Variants in FAM193A observed in about 807,000 individuals in gnomAD.
FAM193A encodes the protein family with sequence similarity 193 member A, also known as protein FAM193A.
A neutral mutation model predicts 126.5 loss-of-function variants in FAM193A; 22 were observed. The observed-to-expected ratio is 0.17, with a 90% CI of 0.12 to 0.25. The LOEUF is 0.25. Among genes scored for constraint, FAM193A ranks in the 10% least tolerant of loss-of-function variants. FAM193A has a pLI of 1.00. For synonymous variants in FAM193A, 761 were observed against 646.8 expected (o/e 1.18, Z -2.68); for missense variants, 1,675 against 1,672.8 (o/e 1.00, Z -0.02).
At chr4:2,572,037 T>G (rs1739321211) in intron 1 of FAM193A, among the ~76,000 whole-genome samples, 2 of 151,668 alleles carry the variant, frequency 1.3e-5, no homozygotes, top group African/African-American at 4.8e-5. Context: ...TGGTGGCATG[T>G]GCCTGTAATC....
chr4:2,693,683 C>T lies in FAM193A; in HGVS notation c.2901C>T (p.Leu967=), dbSNP rs1716678612. 2 of 1,614,090 alleles carry T rather than the reference C, an allele frequency of 1.2e-6. No individual in the cohort carries two copies. Among genetic ancestry groups the T allele is most frequent in the Non-Finnish European group, 8.5e-7 (1 of 1,179,918 alleles). Residue 967 remains leucine, a synonymous_variant, in exon 16 of 21, where the codon CTC becomes CTT. Transcript: ENST00000637812. ...SPTGLAPLPA[L]SPAALSPAAL... Reference sequence around the variant, plus strand: ...CGGGCTTGGCCCCCCTCCCAGCGCTCTCGCCTGCTGCGCTGTCACCTGCTG... The same window carrying T: ...CGGGCTTGGCCCCCCTCCCAGCGCTTTCGCCTGCTGCGCTGTCACCTGCTG...
chr4:2,721,150 A>G (rs1720096840), intron 20 of FAM193A, among the ~76,000 whole-genome samples: 1 of 151,950 alleles, frequency 6.6e-6, no homozygotes, highest in South Asian at 2.1e-4. Context: ...CGTCTCTACT[A>G]AAAATACAAA....
At chr4:2,726,070 T>G (rs1406152781) in intron 20 of FAM193A, among the ~76,000 whole-genome samples, 2 of 151,944 alleles carry the variant, frequency 1.3e-5, no homozygotes, top group Non-Finnish European at 2.9e-5. Context: ...GGCAATTTTT[T>G]TTGTATTTTT....
chr4:2,645,681 C>T (rs1745066642), intron 6 of FAM193A, among the ~76,000 whole-genome samples: 1 of 152,204 alleles, frequency 6.6e-6, no homozygotes, highest in East Asian at 1.9e-4. Flanking sequence ...CATGTGCCAC[C>T]ACACCCAGCT....
chr4:2,574,257 C>T (rs1739456021), intron 1 of FAM193A, among the ~76,000 whole-genome samples: 1 of 151,922 alleles, frequency 6.6e-6, no homozygotes, highest in South Asian at 2.1e-4. Flanking sequence ...GGCGAGGGGT[C>T]TCTTCTGTGG....
chr4:2,588,217 C>T (rs1181030527), intron 1 of FAM193A, among the ~76,000 whole-genome samples: 1 of 152,226 alleles, frequency 6.6e-6, no homozygotes, highest in Non-Finnish European at 1.5e-5. Context: ...CACTGCTCCC[C>T]TTCCTCTCAA....
chr4:2,585,438 T>C (rs371333442), intron 1 of FAM193A, among the ~76,000 whole-genome samples: 9 of 152,360 alleles, frequency 5.9e-5, no homozygotes, highest in African/African-American at 2.2e-4. Flanking sequence ...ATGGTGGTAC[T>C]ATGATTTAAT....
chr4:2,595,811 CATGTGGTGGAA>C (rs1373621468), intron 1 of FAM193A, among the ~76,000 whole-genome samples: 1 of 152,162 alleles, frequency 6.6e-6, no homozygotes, highest in African/African-American at 2.4e-5. Flanking sequence ...CAGTTTCTAG[CATGTGGTGGAA>C]AAGTAATACA....
chr4:2,701,879 C>T (rs530314108), intron 19 of FAM193A, among the ~76,000 whole-genome samples: 4 of 151,672 alleles, frequency 2.6e-5, no homozygotes, highest in Non-Finnish European at 4.4e-5. Context: ...CGGGTTCAAG[C>T]GATTCTCCTG....
intron 1 of FAM193A, among the ~76,000 whole-genome samples, chr4:2,562,955 GT>G (rs1173394421): frequency 4.9e-5 from 7 of 141,974 alleles, no homozygotes; most frequent in Non-Finnish European, 1.1e-4. Flanking sequence ...TCTTTTTTTT[GT>G]TTTTTTGAGA....
At chr4:2,642,136 A>G (rs1344919937) in intron 6 of FAM193A, among the ~76,000 whole-genome samples, 2 of 67,248 alleles carry the variant, frequency 3.0e-5, no homozygotes, top group African/African-American at 1.2e-4. Flanking sequence ...TAAAAATACA[A>G]AAAAAAAAAA....
In FAM193A at chr4:2,699,461, CAA is replaced by C. The variant is rs35014446; in HGVS notation, c.3508-217_3508-216del. On this transcript the variant is annotated intron_variant, in intron 18 of 20. Coordinates refer to ENST00000637812, the MANE Select transcript of FAM193A (RefSeq NM_001366318.2). ...ACCCCCCCCCCCACACACACACACA[CAA>C]ATAAGTAAGCATATACTTTAGTAAA... Among the ~76,000 whole-genome samples the C allele has an allele frequency of 3.2e-5, 4 of 124,900 alleles. No homozygotes were observed. The Admixed American group carries it at 3.9e-4, about 12-fold the overall frequency. 81.9% of individuals were successfully genotyped at this position (124,900 alleles called of 152,430 possible).
chr4:2,586,148 C>T (rs986826185), intron 1 of FAM193A, among the ~76,000 whole-genome samples: 1 of 151,562 alleles, frequency 6.6e-6, no homozygotes, highest in Non-Finnish European at 1.5e-5. Context: ...GAATCTGAGG[C>T]AGGAGAATCA....
intron 1 of FAM193A, among the ~76,000 whole-genome samples, chr4:2,594,445 G>C (rs768055098): frequency 6.6e-6 from 1 of 152,176 alleles, no homozygotes; most frequent in Non-Finnish European, 1.5e-5. Flanking sequence ...CCAGAACAGC[G>C]TCAGCTGGGT....
chr4:2,642,732 C>CTTT (rs1209422669), intron 6 of FAM193A, among the ~76,000 whole-genome samples: 2 of 135,468 alleles, frequency 1.5e-5, no homozygotes, highest in South Asian at 2.4e-4. Context: ...AAACTCCCAT[C>CTTT]TTTTTTTTTT....
intron 13 of FAM193A, among the ~76,000 whole-genome samples, chr4:2,672,928 A>C (rs531434890): frequency 5.3e-5 from 8 of 152,360 alleles, no homozygotes; most frequent in Admixed American, 5.2e-4. Context: ...AGAAAGGAGA[A>C]GCTGCCAGAA....
intron 15 of FAM193A, among the ~76,000 whole-genome samples, chr4:2,692,071 T>G (rs969418514): frequency 6.6e-6 from 1 of 152,174 alleles, no homozygotes; most frequent in African/African-American, 2.4e-5. Flanking sequence ...ACTGACAGAT[T>G]ACAGCAGGAT....
intron 1 of FAM193A, among the ~76,000 whole-genome samples, chr4:2,546,292 A>G (rs1737548703): frequency 6.6e-6 from 1 of 152,116 alleles, no homozygotes; most frequent in Non-Finnish European, 1.5e-5. Context: ...GTCCCAGCCA[A>G]AATTGAATGT....
chr4:2,609,927 T>TAA (rs796205895), intron 2 of FAM193A, among the ~76,000 whole-genome samples: 22 of 118,636 alleles, frequency 1.9e-4, no homozygotes, highest in African/African-American at 6.7e-4. Flanking sequence ...GACTCCGTCT[T>TAA]AAAAAAAAAA....
Sources: allele counts gnomAD v4.1 joint callset (sites outside exome capture counted in the v4.1 genomes callset), GRCh38; gene constraint gnomAD v4.1.1; transcripts MANE v1.5; gene names NCBI Gene and HGNC (gene_info 2026-07-23, HGNC 2026-07-21).